COL7A1: variants seen among roughly 807,000 people sequenced by gnomAD.
COL7A1 encodes collagen type VII alpha 1 chain.
Under a neutral mutation model 456.2 loss-of-function variants are expected in COL7A1, and 296 were observed. The observed-to-expected ratio is 0.65, with a 90% CI of 0.59 to 0.71. The LOEUF is 0.71. Ranked by LOEUF, COL7A1 falls within the 30% of genes least tolerant of loss-of-function variation. The probability of loss-of-function intolerance (pLI) is 0.00; values close to 1 mark genes in which losing one functional copy is unlikely to be tolerated. For missense variants in COL7A1, 3,441 were observed against 4,017.2 expected (o/e 0.86, Z 3.88); for synonymous variants, 1,464 against 1,525.9 (o/e 0.96, Z 0.95).
In COL7A1 at chr3:48,565,602, G is replaced by A. The variant is rs748576670; in HGVS notation, c.8440+34C>T. 6.2e-7 allele frequency: 1 copy of A among 1,614,132 alleles called. No individual in the cohort carries two copies. Among genetic ancestry groups the A allele is most frequent in the East Asian group, 2.2e-5 (1 of 44,878 alleles). On this transcript the variant is annotated intron_variant, in intron 115 of 118. Transcript: ENST00000681320. The surrounding 1 kb of genome is among the most constrained non-coding windows in gnomAD (Gnocchi z 4.5). ...GTTGATAGGCAGGGCAGGGCCTGGG[G>A]TGAAGAAAGTTCTGGGAGTAGAAAA...
In COL7A1 at chr3:48,588,540, T is replaced by A; in HGVS notation, c.2587+102A>T. 6.2e-7 allele frequency: 1 copy of A among 1,607,526 alleles called. No individual in the cohort carries two copies. Among genetic ancestry groups the A allele is most frequent in the Admixed American group, 1.7e-5 (1 of 59,980 alleles). On this transcript the variant is annotated intron_variant, in intron 20 of 118. Transcript: ENST00000681320. The surrounding 1 kb of genome is among the most constrained non-coding windows in gnomAD (Gnocchi z 4.6). Reference sequence around the variant, plus strand: ...CCTCTCAGACCCTGCCCCCAAAGGCTCACTACCAATCCTGGTCCTTTCTCC... The same window carrying A: ...CCTCTCAGACCCTGCCCCCAAAGGCACACTACCAATCCTGGTCCTTTCTCC...
Position 48,573,158 on chromosome 3 carries a change from A to G in COL7A1, c.6714+16T>C, listed in dbSNP as rs2044052039. The stretch of plus-strand genomic sequence containing the variant: ...AAAACACGGTGTCCCTACAGGGGCC[A>G]CAGGGACTCACTCACCACAAGGCCT... On this transcript the variant is annotated intron_variant, in intron 85 of 118. Coordinates refer to ENST00000681320, the MANE Select transcript of COL7A1 (RefSeq NM_000094.4). This position sits in a 1 kb window ranked among gnomAD's most constrained non-coding sequence, Gnocchi z 5.5. 1.9e-6 allele frequency: 3 copies of G among 1,614,024 alleles called. No individual in the cohort carries two copies. The highest frequency in any genetic ancestry group is 1.3e-5 in the African/African-American group (1 of 75,042).
At position 48,581,228 on chromosome 3, in the gene COL7A1, C is replaced by A; in HGVS notation, c.4899+32G>T. The A allele has an allele frequency of 6.2e-7, 1 of 1,612,336 alleles. No individual in the cohort carries two copies. The highest frequency in any genetic ancestry group is 8.5e-7 in the Non-Finnish European group (1 of 1,179,322). ...GCTGGCAACAGCCCTACTCCCTTAC[C>A]CGCCATGACTCCCCCGACTCCAGCC... On this transcript the variant is annotated intron_variant, in intron 52 of 118. Transcript: ENST00000681320. The surrounding 1 kb of genome is among the most constrained non-coding windows in gnomAD (Gnocchi z 5.8).
Position 48,565,500 on chromosome 3 carries a change from G to C in COL7A1, c.8441-4C>G, listed in dbSNP as rs1358696525. On this transcript the variant is annotated splice_region_variant and splice_polypyrimidine_tract_variant and intron_variant, in intron 115 of 118. Transcript: ENST00000681320. This position sits in a 1 kb window ranked among gnomAD's most constrained non-coding sequence, Gnocchi z 4.5. ...GCAGCATAACTAGGGAGGGGTCCTGGAGCCAAGAGCAGGGGCCTCAGGGCC... is the reference window on the plus strand; with the variant it reads ...GCAGCATAACTAGGGAGGGGTCCTGCAGCCAAGAGCAGGGGCCTCAGGGCC... 23 of 1,613,644 alleles carry C rather than the reference G, an allele frequency of 1.4e-5. No individual in the cohort carries two copies. Among genetic ancestry groups the C allele is most frequent in the Non-Finnish European group, 1.9e-5 (23 of 1,179,756 alleles).
Position 48,586,485 on chromosome 3 carries a change from G to A in COL7A1, c.3404-7C>T, listed in dbSNP as rs1041176603. ...GCTGTGACCACGGCTGTGCCTGGAA[G>A]GAAGGACATGTCAGAACCCTGGGGC... On this transcript the variant is annotated splice_region_variant and splice_polypyrimidine_tract_variant and intron_variant, in intron 26 of 118. Transcript: ENST00000681320. This position sits in a 1 kb window ranked among gnomAD's most constrained non-coding sequence, Gnocchi z 5.1. 2.5e-6 allele frequency: 4 copies of A among 1,613,776 alleles called. No individual in the cohort carries two copies. The highest frequency in any genetic ancestry group is 1.7e-5 in the Admixed American group (1 of 60,028).
chr3:48,581,246 C>T lies in COL7A1; in HGVS notation c.4899+14G>A, dbSNP rs1205951652. 2 of 1,613,356 alleles carry T rather than the reference C, an allele frequency of 1.2e-6. No homozygotes were observed. Among genetic ancestry groups the T allele is most frequent in the Non-Finnish European group, 1.7e-6 (2 of 1,179,800 alleles). ...CCCTTACCCGCCATGACTCCCCCGA[C>T]TCCAGCCTCTTACATCTCGTCCTCG... On this transcript the variant is annotated intron_variant, in intron 52 of 118. Coordinates refer to ENST00000681320, the MANE Select transcript of COL7A1 (RefSeq NM_000094.4). The surrounding 1 kb of genome is among the most constrained non-coding windows in gnomAD (Gnocchi z 5.8).
chr3:48,578,269 T>C lies in COL7A1; in HGVS notation c.5532+52A>G. On this transcript the variant is annotated intron_variant, in intron 65 of 118. Coordinates refer to ENST00000681320, the MANE Select transcript of COL7A1 (RefSeq NM_000094.4). This position sits in a 1 kb window ranked among gnomAD's most constrained non-coding sequence, Gnocchi z 4.7. The stretch of plus-strand genomic sequence containing the variant: ...TTGCTACAGATCTTGGCTGTGTAGG[T>C]GTGCTGGCGTTTCTTGGCAGGTTTC... The C allele has an allele frequency of 6.2e-7, 1 of 1,607,612 alleles. No homozygotes were observed. Among genetic ancestry groups the C allele is most frequent in the Non-Finnish European group, 8.5e-7 (1 of 1,176,338 alleles).
In COL7A1 at chr3:48,581,342, T is replaced by G; in HGVS notation, c.4819-2A>C. Reference sequence around the variant, plus strand: ...CTCTCCAGGAGGCCCTGAGTCACCCTGTGGAGGAGGCAAGAGGGAGGTGAT... The same window carrying G: ...CTCTCCAGGAGGCCCTGAGTCACCCGGTGGAGGAGGCAAGAGGGAGGTGAT... On this transcript the variant is annotated splice_acceptor_variant, in intron 51 of 118. Transcript: ENST00000681320. LOFTEE classifies it high-confidence loss of function. This position sits in a 1 kb window ranked among gnomAD's most constrained non-coding sequence, Gnocchi z 5.8. 6.2e-7 allele frequency: 1 copy of G among 1,613,492 alleles called. No homozygotes were observed. The highest frequency in any genetic ancestry group is 8.5e-7 in the Non-Finnish European group (1 of 1,179,914).
Position 48,587,530 on chromosome 3 carries a change from T to C in COL7A1, c.2882A>G (p.Glu961Gly). The C allele has an allele frequency of 6.2e-7, 1 of 1,613,376 alleles. No individual in the cohort carries two copies. Among genetic ancestry groups the C allele is most frequent in the Non-Finnish European group, 8.5e-7 (1 of 1,179,994 alleles). ...RTESPRVPSI[E>G]LRVVDTSIDS... Reference sequence around the variant, plus strand: ...GATCGAGGTGTCCACCACACGTAGTTCAATGCTTGGAACACGAGGTGACTC... The same window carrying C: ...GATCGAGGTGTCCACCACACGTAGTCCAATGCTTGGAACACGAGGTGACTC... The change falls in exon 23 of 119, where the codon GAA becomes GGA. Residue 961 changes from glutamate to glycine, a missense_variant. Physicochemically the swap from Glu to Gly is moderately conservative, Grantham distance 98 (BLOSUM62 -2). Coordinates refer to ENST00000681320, the MANE Select transcript of COL7A1 (RefSeq NM_000094.4). This position sits in a 1 kb window ranked among gnomAD's most constrained non-coding sequence, Gnocchi z 6.1.
intron 34 of COL7A1, 21 bp from the exon 35 acceptor site, chr3:48,584,790 A>C: frequency 1.2e-6 from 2 of 1,614,008 alleles, no homozygotes; most frequent in Non-Finnish European, 1.7e-6. Context: ...AACAGAGCAG[A>C]GGGTGGTGCT....
At position 48,593,124 on chromosome 3, in the gene COL7A1, A is replaced by G; in HGVS notation, c.660T>C (p.Gly220=). ...LVSRRVCTTA[G]GVPVTRPPDD... ...CACGAGGTCGGGTCACAGGCACGCC[A>G]CCAGCAGTCGTGCACACTCTCCGGG... Residue 220 remains glycine (G), a synonymous_variant, in exon 6 of 119, where the codon GGT becomes GGC. Transcript: ENST00000681320. This position sits in a 1 kb window ranked among gnomAD's most constrained non-coding sequence, Gnocchi z 4.4. 1 of 1,614,112 alleles carries G rather than the reference A, an allele frequency of 6.2e-7. No individual in the cohort carries two copies. The highest frequency in any genetic ancestry group is 1.7e-5 in the Admixed American group (1 of 60,018).
rs901494632 is a variant in COL7A1 at position 48,564,268 on chromosome 3, C to T, written c.*138G>A. 2 of 1,078,070 alleles carry T rather than the reference C, an allele frequency of 1.9e-6. No homozygotes were observed. Among genetic ancestry groups the T allele is most frequent in the Admixed American group, 1.9e-5 (1 of 52,566 alleles). The allele number at this position is 1,078,070 out of a possible 1,614,324, so 66.8% of individuals were successfully genotyped here. On this transcript the variant is annotated 3_prime_UTR_variant, in exon 119 of 119. Coordinates refer to ENST00000681320, the MANE Select transcript of COL7A1 (RefSeq NM_000094.4). This position sits in a 1 kb window ranked among gnomAD's most constrained non-coding sequence, Gnocchi z 6.0. Reference sequence around the variant, plus strand: ...GGGGGGAAGGCTAGACCCACGGGACCAAGTCACTGAAATAACGGACGTGCA... The same window carrying T: ...GGGGGGAAGGCTAGACCCACGGGACTAAGTCACTGAAATAACGGACGTGCA...
chr3:48,593,331 C>T lies in COL7A1; in HGVS notation c.520+25G>A, dbSNP rs1438263949. On this transcript the variant is annotated intron_variant, in intron 5 of 118. Transcript: ENST00000681320. This position sits in a 1 kb window ranked among gnomAD's most constrained non-coding sequence, Gnocchi z 4.4. ...CTGACTGCCCCCACCCCCCAGCTGA[C>T]CTGTCACTCCTGCTCGGTCCTTACC... is the stretch of plus-strand genomic sequence containing the variant. 3.1e-6 allele frequency: 5 copies of T among 1,613,960 alleles called. No homozygotes were observed. Among genetic ancestry groups the T allele is most frequent in the Non-Finnish European group, 4.2e-6 (5 of 1,180,012 alleles).
chr3:48,579,352 C>T lies in COL7A1; in HGVS notation c.5307+17G>A, dbSNP rs374106939. The T allele has an allele frequency of 4.2e-5, 67 of 1,614,066 alleles. No homozygotes were observed. Among genetic ancestry groups the T allele is most frequent in the Middle Eastern group, 1.6e-4 (1 of 6,084 alleles). On this transcript the variant is annotated intron_variant, in intron 61 of 118. Coordinates refer to ENST00000681320, the MANE Select transcript of COL7A1 (RefSeq NM_000094.4). This position sits in a 1 kb window ranked among gnomAD's most constrained non-coding sequence, Gnocchi z 4.4. ...TAACCCAGGCTCATGTCCTGAGAAA[C>T]CCCCACACCCTCTCACCTTTTCTCC...
In COL7A1 at chr3:48,565,270, T is replaced by G; in HGVS notation, c.8528-69A>C. On this transcript the variant is annotated intron_variant, in intron 116 of 118. Coordinates refer to ENST00000681320, the MANE Select transcript of COL7A1 (RefSeq NM_000094.4). The surrounding 1 kb of genome is among the most constrained non-coding windows in gnomAD (Gnocchi z 4.5). ...CCGGGGCAAGGTGGGCAGCACTGAT[T>G]TCCACTGTGTGCACACAGTGCCCAT... 6.6e-7 allele frequency: 1 copy of G among 1,524,534 alleles called. No homozygotes were observed. Among genetic ancestry groups the G allele is most frequent in the Non-Finnish European group, 9.0e-7 (1 of 1,110,016 alleles). 94.4% of individuals were successfully genotyped at this position (1,524,534 alleles called of 1,614,324 possible).
At chr3:48,582,712 C>T (rs2044859787) in intron 44 of COL7A1, 59 bp from the exon 45 acceptor site, 2 of 1,584,314 alleles carry the variant, frequency 1.3e-6, no homozygotes, top group South Asian at 2.2e-5. Flanking sequence ...TATGGACAGA[C>T]AGGGCTAGAG....
Position 48,576,667 on chromosome 3 carries a change from G to A in COL7A1, c.5700+9C>T, listed in dbSNP as rs1174558545. The A allele has an allele frequency of 6.2e-7, 1 of 1,602,320 alleles. No homozygotes were observed. The highest frequency in any genetic ancestry group is 8.5e-7 in the Non-Finnish European group (1 of 1,175,072). On this transcript the variant is annotated intron_variant, in intron 68 of 118. Transcript: ENST00000681320. The stretch of plus-strand genomic sequence containing the variant: ...GCTCTGAAGTCCCAGAATGACCCAG[G>A]ACACTCACCTGGCCAGGAGGGCCCA...
In COL7A1 at chr3:48,574,500, C is replaced by T; in HGVS notation, c.6444G>A (p.Gln2148=). The change falls in exon 79 of 119, where the codon CAG becomes CAA. Residue 2148 remains glutamine, a synonymous_variant. Transcript: ENST00000681320. This position sits in a 1 kb window ranked among gnomAD's most constrained non-coding sequence, Gnocchi z 5.0. ...GGCAAGGACTTACCGGGTTGCCGTC[C>T]TGACCCCTCGGTCCAGGCTCTCCCC... ...GDRGEPGPRG[Q]DGNPGLPGER... is the part of the protein sequence containing the mutation. 1 of 1,614,128 alleles carries T rather than the reference C, an allele frequency of 6.2e-7. No individual in the cohort carries two copies. The highest frequency in any genetic ancestry group is 8.5e-7 in the Non-Finnish European group (1 of 1,180,024).
rs778360438 is a variant in COL7A1 at position 48,570,221 on chromosome 3, C to T, written c.7441-43G>A. On this transcript the variant is annotated intron_variant, in intron 98 of 118. Transcript: ENST00000681320. The surrounding 1 kb of genome is among the most constrained non-coding windows in gnomAD (Gnocchi z 5.5). ...GTTCATTGACTCAGAGGTTGGAAAT[C>T]AGAGGCAAGAGCTGGGATGAAGGGA... 4 of 1,614,082 alleles carry T rather than the reference C, an allele frequency of 2.5e-6. No individual in the cohort carries two copies. In the South Asian group the frequency reaches 4.4e-5, roughly 18 times the overall value.
Sources: allele counts gnomAD v4.1 joint callset, GRCh38; gene constraint gnomAD v4.1.1; non-coding constraint Gnocchi (gnomAD v3.1); transcripts MANE v1.5; gene names NCBI Gene and HGNC (gene_info 2026-07-23, HGNC 2026-07-21).